MYO1D: variants seen among roughly 807,000 people sequenced by gnomAD.
MYO1D encodes the protein unconventional myosin-Id.
MYO1D carries 83 observed loss-of-function variants against 122.0 expected under a neutral mutation model. The observed-to-expected ratio is 0.68, with a 90% CI of 0.57 to 0.82. The LOEUF is 0.82. MYO1D is among the 40% of genes least tolerant of loss of function. The pLI is 0.00. For synonymous variants in MYO1D, 464 were observed against 446.9 expected (o/e 1.04, Z -0.48); for missense variants, 1,157 against 1,269.5 (o/e 0.91, Z 1.35).
intron 21 of MYO1D, among the ~76,000 whole-genome samples, chr17:32,565,229 T>G (rs2087161547): frequency 6.6e-6 from 1 of 152,128 alleles, no homozygotes; most frequent in African/African-American, 2.4e-5. Context: ...GCCTCCAACT[T>G]CTGACCTCAG....
intron 21 of MYO1D, among the ~76,000 whole-genome samples, chr17:32,522,767 T>C (rs745899039): frequency 5.7e-4 from 86 of 151,470 alleles, no homozygotes; most frequent in Non-Finnish European, 1.1e-3. Context: ...GTGGACTCCA[T>C]TAGGAGCATC....
chr17:32,705,415 A>T (rs2089294144), intron 16 of MYO1D, among the ~76,000 whole-genome samples: 1 of 147,156 alleles, frequency 6.8e-6, no homozygotes, highest in East Asian at 2.1e-4. Context: ...GTCCACCACC[A>T]TGCCCGGCTA....
chr17:32,870,609 AAAAG>A (rs1363740004), intron 1 of MYO1D, among the ~76,000 whole-genome samples: 100 of 151,888 alleles, frequency 6.6e-4, no homozygotes, highest in African/African-American at 2.3e-3. Flanking sequence ...AAAAAAAAAA[AAAAG>A]AAAGAAAAAA....
At chr17:32,856,981 C>G (rs1002623815) in intron 1 of MYO1D, among the ~76,000 whole-genome samples, 1 of 152,168 alleles carries the variant, frequency 6.6e-6, no homozygotes, top group African/African-American at 2.4e-5. Flanking sequence ...ATGTATGAAG[C>G]AGGGGTAGCA....
chr17:32,627,192 G>A (rs1473899740), intron 20 of MYO1D, among the ~76,000 whole-genome samples: 1 of 152,112 alleles, frequency 6.6e-6, no homozygotes, highest in East Asian at 1.9e-4. Context: ...TGCCACTCAA[G>A]GTCTGACATT....
intron 1 of MYO1D, among the ~76,000 whole-genome samples, chr17:32,810,437 T>C (rs2090559980): frequency 6.6e-6 from 1 of 152,202 alleles, no homozygotes. Flanking sequence ...TCTCTGTTTC[T>C]CATGTTTATA....
chr17:32,819,915 G>A (rs2090645715), intron 1 of MYO1D, among the ~76,000 whole-genome samples: 1 of 152,180 alleles, frequency 6.6e-6, no homozygotes, highest in Admixed American at 6.5e-5. Context: ...TTTCAATCTA[G>A]ACAACATGCA....
rs1598176711 is a variant in MYO1D at position 32,876,780 on chromosome 17, G to C, written c.93C>G (p.Leu31=). 1 of 1,510,154 alleles carries C rather than the reference G, an allele frequency of 6.6e-7. No individual in the cohort carries two copies. The highest frequency in any genetic ancestry group is 8.9e-7 in the Non-Finnish European group (1 of 1,129,132). The allele number at this position is 1,510,154 out of a possible 1,614,324, so 93.5% of individuals were successfully genotyped here. A position where few individuals can be genotyped will look rare whatever the true frequency, so the allele number is the denominator to read the frequency against. ...SMPEFMANLR[L]RFEKGRIYTF... ...GCGCGCGGCCGCTCCGCCCTCACCTGAGCCTGAGGTTGGCCATGAACTCGG... is the reference window on the plus strand; with the variant it reads ...GCGCGCGGCCGCTCCGCCCTCACCTCAGCCTGAGGTTGGCCATGAACTCGG... The change falls in exon 1 of 22, where the codon CTC becomes CTG. Residue 31 remains leucine, a splice_region_variant and synonymous_variant. Transcript: ENST00000318217.
chr17:32,866,794 G>A (rs576725395), intron 1 of MYO1D, among the ~76,000 whole-genome samples: 1 of 152,306 alleles, frequency 6.6e-6, no homozygotes, highest in Non-Finnish European at 1.5e-5. Flanking sequence ...AAAGTGAGTG[G>A]AGAGAGAAGA....
At chr17:32,730,321 T>C (rs1206234935) in intron 14 of MYO1D, among the ~76,000 whole-genome samples, 2 of 152,206 alleles carry the variant, frequency 1.3e-5, no homozygotes, top group East Asian at 1.9e-4. Context: ...CTAATTGATA[T>C]GCAATTGTTA....
chr17:32,835,006 G>A (rs753913836), intron 1 of MYO1D, among the ~76,000 whole-genome samples: 2 of 152,070 alleles, frequency 1.3e-5, no homozygotes, highest in African/African-American at 2.4e-5. Flanking sequence ...GTAAGACTCT[G>A]CTTCAAAAAC....
intron 1 of MYO1D, among the ~76,000 whole-genome samples, chr17:32,837,111 T>C (rs936435092): frequency 6.6e-6 from 1 of 152,140 alleles, no homozygotes; most frequent in African/African-American, 2.4e-5. Flanking sequence ...TGTCAGTTTT[T>C]AAAATTTTAG....
intron 6 of MYO1D, among the ~76,000 whole-genome samples, chr17:32,770,469 T>G (rs1367210586): frequency 6.6e-6 from 1 of 152,054 alleles, no homozygotes; most frequent in Non-Finnish European, 1.5e-5. Flanking sequence ...ATACCTTCCC[T>G]CCTACGAAAT....
At chr17:32,777,814 G>C (rs1037004896) in intron 3 of MYO1D, among the ~76,000 whole-genome samples, 3 of 152,088 alleles carry the variant, frequency 2.0e-5, no homozygotes, top group Non-Finnish European at 1.5e-5. Flanking sequence ...GGTGCCTGTA[G>C]TCCCAGCTAC....
At chr17:32,525,020 G>GT (rs1219451448) in intron 21 of MYO1D, among the ~76,000 whole-genome samples, 1 of 152,162 alleles carries the variant, frequency 6.6e-6, no homozygotes, top group East Asian at 1.9e-4. Flanking sequence ...CGTTACTTTT[G>GT]TTTTCCTTAG....
chr17:32,787,422 CT>C (rs755065126), intron 1 of MYO1D, among the ~76,000 whole-genome samples: 222 of 142,270 alleles, frequency 1.6e-3, no homozygotes, highest in South Asian at 1.8e-3. Flanking sequence ...GGTATGTACT[CT>C]TTTTTTTTTT....
At chr17:32,593,950 A>C (rs899969012) in intron 21 of MYO1D, among the ~76,000 whole-genome samples, 4 of 152,250 alleles carry the variant, frequency 2.6e-5, no homozygotes, top group African/African-American at 4.8e-5. Flanking sequence ...AAAACAAAAC[A>C]AAACCAGTTA....
At chr17:32,668,787 C>T (rs990873314) in intron 16 of MYO1D, among the ~76,000 whole-genome samples, 3 of 151,598 alleles carry the variant, frequency 2.0e-5, no homozygotes, top group East Asian at 1.9e-4. Flanking sequence ...CTGCAAGCTC[C>T]GCCTCCCAGG....
At position 32,494,746 on chromosome 17, in the gene MYO1D, C is replaced by A. The variant is rs753045800; in HGVS notation, c.*13G>T. The A allele has an allele frequency of 5.1e-6, 8 of 1,583,892 alleles. 1 individual carries two copies. The highest frequency in any genetic ancestry group is 4.6e-5 in the South Asian group (4 of 86,874). ...GAGTGTGGCCGGGCTCCGGGCCAGG[C>A]CTCCGCGGGGCGTCAGTTCCCGGGC... On this transcript the variant is annotated 3_prime_UTR_variant, in exon 22 of 22. Coordinates refer to ENST00000318217, the MANE Select transcript of MYO1D (RefSeq NM_015194.3).
Sources: allele counts gnomAD v4.1 joint callset (sites outside exome capture counted in the v4.1 genomes callset), GRCh38; gene constraint gnomAD v4.1.1; transcripts MANE v1.5; gene names NCBI Gene and HGNC (gene_info 2026-07-23, HGNC 2026-07-21).